Variants in EYS observed in about 807,000 individuals in gnomAD.
The protein encoded by EYS is EGF-like photoreceptor maintenance factor, also known as protein eyes shut homolog.
In EYS, 250 loss-of-function variants were observed where a neutral mutation model predicts 282.1. That is an observed-to-expected ratio of 0.89 (90% CI 0.80 to 0.98). The LOEUF is 0.98. EYS is among the 50% of genes least tolerant of loss of function. The pLI, the probability that EYS is intolerant of heterozygous loss-of-function variation, is 0.00. For missense variants in EYS, 4,016 were observed against 3,709.0 expected (o/e 1.08, Z -2.15); for synonymous variants, 1,355 against 1,282.9 (o/e 1.06, Z -1.20).
At chr6:65,238,482 C>G (rs2150273910) in intron 12 of EYS, among the ~76,000 whole-genome samples, 1 of 151,838 alleles carries the variant, frequency 6.6e-6, no homozygotes, top group South Asian at 2.1e-4. Flanking sequence ...TGATCATACC[C>G]AAATTATTAG....
intron 12 of EYS, among the ~76,000 whole-genome samples, chr6:65,192,981 C>T (rs935895603): frequency 6.6e-6 from 1 of 151,758 alleles, no homozygotes; most frequent in Non-Finnish European, 1.5e-5. Flanking sequence ...ATAGTCACCC[C>T]ACTATGCTAT....
At chr6:63,760,664 C>CTATCTATT (rs1167479364) in intron 41 of EYS, among the ~76,000 whole-genome samples, 8 of 142,772 alleles carry the variant, frequency 5.6e-5, no homozygotes, top group African/African-American at 2.2e-4. Context: ...ATCTATCTAT[C>CTATCTATT]TATCTATCTA....
chr6:65,270,480 C>A (rs906869955), intron 12 of EYS, among the ~76,000 whole-genome samples: 6 of 152,288 alleles, frequency 3.9e-5, no homozygotes, highest in African/African-American at 1.4e-4. Flanking sequence ...AAGTCCCCAA[C>A]ACCAACACAA....
intron 1 of EYS, among the ~76,000 whole-genome samples, chr6:65,672,731 T>C (rs901415539): frequency 1.4e-4 from 21 of 152,014 alleles, no homozygotes; most frequent in African/African-American, 4.1e-4. Context: ...AGAAAATAAA[T>C]ACATAAAATG....
At chr6:64,738,540 A>T (rs1415877403) in intron 22 of EYS, among the ~76,000 whole-genome samples, 2 of 152,320 alleles carry the variant, frequency 1.3e-5, no homozygotes, top group East Asian at 3.9e-4. Flanking sequence ...AATGCAGGAT[A>T]AAATATGTGT....
intron 14 of EYS, among the ~76,000 whole-genome samples, chr6:64,962,651 G>A (rs1769960788): frequency 6.6e-6 from 1 of 152,018 alleles, no homozygotes; most frequent in South Asian, 2.1e-4. Flanking sequence ...GAGGGGCTGA[G>A]GCTTGAGGGA....
intron 30 of EYS, among the ~76,000 whole-genome samples, chr6:64,267,296 A>C (rs140730783): frequency 1.3e-5 from 2 of 152,202 alleles, no homozygotes; most frequent in African/African-American, 4.8e-5. Context: ...AAAAGTAGTT[A>C]AAGACTTCTT....
intron 38 of EYS, 47 bp from the exon 39 acceptor site, chr6:63,788,296 G>A (rs1371003837): frequency 7.1e-7 from 1 of 1,404,098 alleles, no homozygotes; most frequent in African/African-American, 1.5e-5. Flanking sequence ...TAATTCCCCA[G>A]GGTGAAATGT....
intron 29 of EYS, among the ~76,000 whole-genome samples, chr6:64,322,447 T>C (rs894966654): frequency 6.6e-6 from 1 of 152,020 alleles, no homozygotes; most frequent in Admixed American, 6.6e-5. Context: ...TGACTAGATA[T>C]AATTCATATA....
intron 31 of EYS, among the ~76,000 whole-genome samples, chr6:64,133,840 TTC>T (rs971558979): frequency 1.3e-4 from 19 of 151,550 alleles, no homozygotes; most frequent in African/African-American, 4.6e-4. Flanking sequence ...TTCCATATCT[TTC>T]TTTTTTTTTT....
At chr6:63,977,493 C>T (rs1363539174) in intron 35 of EYS, among the ~76,000 whole-genome samples, 2 of 152,002 alleles carry the variant, frequency 1.3e-5, no homozygotes, top group East Asian at 1.9e-4. Flanking sequence ...CTAGCAACTC[C>T]CAATCCCAGA....
intron 12 of EYS, among the ~76,000 whole-genome samples, chr6:65,174,801 A>G (rs1765187856): frequency 6.6e-6 from 1 of 151,414 alleles, no homozygotes; most frequent in African/African-American, 2.4e-5. Flanking sequence ...AAGAAATTAC[A>G]TTTGTATGTA....
At chr6:63,956,943 C>G (rs1188850676) in intron 35 of EYS, among the ~76,000 whole-genome samples, 1 of 152,184 alleles carries the variant, frequency 6.6e-6, no homozygotes, top group Non-Finnish European at 1.5e-5. Context: ...AATTTAACCA[C>G]TTTTCCACTT....
At chr6:64,345,183 G>T (rs1771329430) in intron 29 of EYS, among the ~76,000 whole-genome samples, 1 of 152,058 alleles carries the variant, frequency 6.6e-6, no homozygotes, top group Non-Finnish European at 1.5e-5. Flanking sequence ...TTTCTTCACA[G>T]AATTGGAAAA....
intron 26 of EYS, among the ~76,000 whole-genome samples, chr6:64,503,656 G>A (rs929396692): frequency 6.6e-6 from 1 of 152,046 alleles, no homozygotes; most frequent in Non-Finnish European, 1.5e-5. Context: ...AGCAGCATGG[G>A]GCACTAATGC....
chr6:65,412,115 C>T (rs1767043129), intron 5 of EYS, among the ~76,000 whole-genome samples: 1 of 152,074 alleles, frequency 6.6e-6, no homozygotes, highest in Non-Finnish European at 1.5e-5. Flanking sequence ...AGCTCTTTAC[C>T]ATGTGAGGAT....
At chr6:65,377,937 A>G (rs984597533) in intron 8 of EYS, among the ~76,000 whole-genome samples, 1 of 152,200 alleles carries the variant, frequency 6.6e-6, no homozygotes, top group Non-Finnish European at 1.5e-5. Flanking sequence ...AAAAAAGCCA[A>G]GGACCAGACG....
intron 12 of EYS, among the ~76,000 whole-genome samples, chr6:65,084,936 G>A (rs1370321003): frequency 2.0e-5 from 3 of 152,054 alleles, no homozygotes; most frequent in African/African-American, 7.2e-5. Context: ...TCATCCTGCT[G>A]TCTAAATCTC....
chr6:65,443,443 G>A (rs1014192162), intron 5 of EYS, among the ~76,000 whole-genome samples: 1 of 145,222 alleles, frequency 6.9e-6, no homozygotes, highest in Non-Finnish European at 1.5e-5. Context: ...TACACATATA[G>A]CCATATGTAC....
Sources: gnomAD v4.1 joint callset for allele counts (sites outside exome capture counted in the v4.1 genomes callset) on GRCh38, gnomAD v4.1.1 for gene constraint, MANE v1.5 for transcripts, NCBI Gene and HGNC (gene_info 2026-07-23, HGNC 2026-07-21) for gene names.